IPO9: variants seen among roughly 807,000 people sequenced by gnomAD.
IPO9 encodes the protein importin-9.
IPO9 carries 28 observed loss-of-function variants against 128.6 expected under a neutral mutation model. That is an observed-to-expected ratio of 0.22 (90% CI 0.16 to 0.30). The LOEUF is 0.30. IPO9 is among the 10% of genes least tolerant of loss of function. The probability of loss-of-function intolerance (pLI) is 1.00; values close to 1 mark genes in which losing one functional copy is unlikely to be tolerated. For missense variants in IPO9, 935 were observed against 1,293.9 expected (o/e 0.72, Z 4.26); for synonymous variants, 455 against 475.8 (o/e 0.96, Z 0.57).
chr1:201,830,154 G>T (rs2102864453), intron 1 of IPO9, among the ~76,000 whole-genome samples: 1 of 152,268 alleles, frequency 6.6e-6, no homozygotes, highest in South Asian at 2.1e-4. Context: ...GTCCAGTGTA[G>T]CTACCACAAA....
chr1:201,854,957 C>T (rs749955595), intron 8 of IPO9, 34 bp downstream of exon 8: 2 of 1,523,008 alleles, frequency 1.3e-6, no homozygotes, highest in African/African-American at 2.8e-5. Flanking sequence ...GGAGCTACTA[C>T]CACCTATAGT....
Position 201,857,140 on chromosome 1 carries a change from AGAT to A in IPO9, c.1174_1176del (p.Asp392del). 6.2e-7 allele frequency: 1 copy of A among 1,613,456 alleles called. No individual in the cohort carries two copies. Among genetic ancestry groups the A allele is most frequent in the Non-Finnish European group, 8.5e-7 (1 of 1,179,330 alleles). On this transcript the variant is annotated inframe_deletion, in exon 11 of 24. Transcript: ENST00000361565. Reference sequence around the variant, plus strand: ...ACCCCCAACAATTTGTAGAAGATGAAGATGATGATACATTCTCCTATACTGTTA... The same window carrying A: ...ACCCCCAACAATTTGTAGAAGATGAAGATGATACATTCTCCTATACTGTTA...
chr1:201,870,952 A>G lies in IPO9; in HGVS notation c.2409+94A>G. The stretch of plus-strand genomic sequence containing the variant: ...CTGAGTTATTTTATTTTACCCTCTT[A>G]CTAGCCTTGTAGGACAGTTAAGTAA... On this transcript the variant is annotated intron_variant, in intron 18 of 23. Coordinates refer to ENST00000361565, the MANE Select transcript of IPO9 (RefSeq NM_018085.5). This position sits in a 1 kb window ranked among gnomAD's most constrained non-coding sequence, Gnocchi z 4.9. 1 of 1,424,454 alleles carries G rather than the reference A, an allele frequency of 7.0e-7. No homozygotes were observed. Among genetic ancestry groups the G allele is most frequent in the Non-Finnish European group, 9.4e-7 (1 of 1,059,356 alleles). The allele number at this position is 1,424,454 out of a possible 1,614,324, so 88.2% of individuals were successfully genotyped here. A position where few individuals can be genotyped will look rare whatever the true frequency, so the allele number is the denominator to read the frequency against.
At position 201,852,148 on chromosome 1, in the gene IPO9, C is replaced by G. The variant is rs756419056; in HGVS notation, c.559C>G (p.Pro187Ala). The change falls in exon 5 of 24, where the codon CCT becomes GCT. Residue 187 changes from proline to alanine, a missense_variant. Physicochemically the swap from Pro to Ala is conservative, Grantham distance 27. This residue lies in a region of IPO9 where 741 missense variants were observed against 1,019.1 expected (regional missense o/e 0.73). Transcript: ENST00000361565. ...AGACACACAGATGCCACTTGTTGCT[C>G]CTGTCATTCTCCCAGAGATGTATAA... ...VTDTQMPLVA[P>A]VILPEMYKIF... 1 of 1,613,298 alleles carries G rather than the reference C, an allele frequency of 6.2e-7. No homozygotes were observed. The highest frequency in any genetic ancestry group is 8.5e-7 in the Non-Finnish European group (1 of 1,179,402).
intron 17 of IPO9, 146 bp downstream of exon 17, chr1:201,869,864 G>C: frequency 9.5e-7 from 1 of 1,057,682 alleles, no homozygotes; most frequent in Non-Finnish European, 1.3e-6. Context: ...GAAGGGTTCA[G>C]TCTGCAAAAG....
Position 201,829,344 on chromosome 1 carries a change from A to C in IPO9, c.135A>C (p.Glu45Asp). The change falls in exon 1 of 24, where the codon GAA (glutamate) becomes GAC (aspartate). Residue 45 changes from glutamate to aspartate, a missense_variant. Physicochemically the swap from Glu to Asp is conservative, Grantham distance 45. Around this residue, in one of 3 missense-constraint regions of IPO9, gnomAD observed 741 missense variants for 1,019.1 expected, o/e 0.73. Transcript: ENST00000361565. ...AGGAGGTGCGGGCGGCTGCTGAAGA[A>C]CAGATTAAGGTGCTGGAGGTGACGG... ...PVQEVRAAAEEQIKVLEVTEE... is the reference protein window; with the variant it reads ...PVQEVRAAAEDQIKVLEVTEE... 6.3e-7 allele frequency: 1 copy of C among 1,586,252 alleles called. No individual in the cohort carries two copies. The highest frequency in any genetic ancestry group is 8.6e-7 in the Non-Finnish European group (1 of 1,167,862).
At chr1:201,859,973 G>A (rs1339952655) in intron 13 of IPO9, among the ~76,000 whole-genome samples, 1 of 151,702 alleles carries the variant, frequency 6.6e-6, no homozygotes, top group Non-Finnish European at 1.5e-5. Context: ...AAAAAAAAAG[G>A]TAGCCCTTTA....
In IPO9 at chr1:201,866,977, A is replaced by G. The variant is rs1680565615; in HGVS notation, c.1855+18A>G. The G allele has an allele frequency of 1.9e-6, 3 of 1,590,474 alleles. No individual in the cohort carries two copies. The highest frequency in any genetic ancestry group is 4.5e-5 in the East Asian group (2 of 44,776). ...CAGTAATGGTATGCTGCCAGGGAGG[A>G]TGTATTATGAGGGGCACCAAAGAAA... On this transcript the variant is annotated intron_variant, in intron 15 of 23. Transcript: ENST00000361565.
chr1:201,854,175 A>G (rs1680276215), intron 6 of IPO9, among the ~76,000 whole-genome samples: 1 of 152,196 alleles, frequency 6.6e-6, no homozygotes, highest in Non-Finnish European at 1.5e-5. Flanking sequence ...ACCTGGCCTG[A>G]TTGAATTTTC....
At chr1:201,842,725 A>G (rs760128578) in intron 1 of IPO9, among the ~76,000 whole-genome samples, 4 of 152,194 alleles carry the variant, frequency 2.6e-5, no homozygotes, top group Non-Finnish European at 5.9e-5. Flanking sequence ...CTGCCACATT[A>G]CTAGAATCCC....
chr1:201,863,176 C>T (rs557771613), intron 13 of IPO9, among the ~76,000 whole-genome samples: 17 of 152,252 alleles, frequency 1.1e-4, no homozygotes, highest in South Asian at 8.3e-4. Flanking sequence ...CATGGCAAAA[C>T]GCCATCTCTA....
At chr1:201,874,763 C>A in intron 21 of IPO9, 69 bp from the exon 22 acceptor site, 1 of 1,072,280 alleles carries the variant, frequency 9.3e-7, no homozygotes, top group Non-Finnish European at 1.4e-6. Flanking sequence ...CTATTCTGGC[C>A]TATTTGGATT....
chr1:201,833,324 C>T (rs1219916323), intron 1 of IPO9, among the ~76,000 whole-genome samples: 1 of 151,436 alleles, frequency 6.6e-6, no homozygotes, highest in Non-Finnish European at 1.5e-5. Context: ...CTGCAACATC[C>T]GCCTCCTAGA....
chr1:201,869,569 T>C, intron 16 of IPO9, 21 bp from the exon 17 acceptor site: 1 of 1,613,622 alleles, frequency 6.2e-7, no homozygotes, highest in Non-Finnish European at 8.5e-7. Flanking sequence ...TTCTGACTTT[T>C]CTTTTTCTTC....
At chr1:201,874,558 T>A (rs1050571698) in intron 21 of IPO9, among the ~76,000 whole-genome samples, 186 bp downstream of exon 21, 4 of 152,160 alleles carry the variant, frequency 2.6e-5, no homozygotes, top group Non-Finnish European at 4.4e-5. Flanking sequence ...CCATATGAAA[T>A]CTCACAGAGG....
chr1:201,839,267 A>C (rs1322245677), intron 1 of IPO9, among the ~76,000 whole-genome samples: 1 of 151,824 alleles, frequency 6.6e-6, no homozygotes, highest in Non-Finnish European at 1.5e-5. Flanking sequence ...CCCAGGCTGG[A>C]GTGCAGTGGC....
At position 201,870,684 on chromosome 1, in the gene IPO9, A is replaced by G. The variant is rs1018815260; in HGVS notation, c.2235A>G (p.Gln745=). 1 of 1,614,206 alleles carries G rather than the reference A, an allele frequency of 6.2e-7. No homozygotes were observed. ...QGHNGLWYVM[Q]VVSQLLDPRT... ...ACAATGGACTGTGGTATGTGATGCAAGTGGTGAGCCAGCTCCTGGACCCCC... is the reference window on the plus strand; with the variant it reads ...ACAATGGACTGTGGTATGTGATGCAGGTGGTGAGCCAGCTCCTGGACCCCC... The change falls in exon 18 of 24, where the codon CAA becomes CAG. Residue 745 remains glutamine, a synonymous_variant. Transcript: ENST00000361565. This position sits in a 1 kb window ranked among gnomAD's most constrained non-coding sequence, Gnocchi z 4.9.
At chr1:201,831,559 G>A (rs751941324) in intron 1 of IPO9, among the ~76,000 whole-genome samples, 10 of 152,042 alleles carry the variant, frequency 6.6e-5, no homozygotes, top group African/African-American at 1.4e-4. Flanking sequence ...CCTCAGATGC[G>A]GTCTGCTTTC....
intron 5 of IPO9, 135 bp from the exon 6 acceptor site, chr1:201,852,876 A>G (rs954855339): frequency 1.4e-6 from 1 of 690,072 alleles, no homozygotes; most frequent in Non-Finnish European, 2.6e-6. Context: ...AATGAATTAC[A>G]TTTCCCATTT....
Sources: allele counts gnomAD v4.1 joint callset (sites outside exome capture counted in the v4.1 genomes callset), GRCh38; gene constraint gnomAD v4.1.1; regional missense constraint gnomAD v4.1.1; non-coding constraint Gnocchi (gnomAD v3.1); transcripts MANE v1.5; gene names NCBI Gene and HGNC (gene_info 2026-07-23, HGNC 2026-07-21).